The following ANAPC10 variants were observed in gnomAD, a reference collection of about 807,000 sequenced individuals.
The protein encoded by ANAPC10 is anaphase promoting complex subunit 10.
A neutral mutation model predicts 22.0 loss-of-function variants in ANAPC10; 12 were observed. The ratio of observed to expected loss-of-function variants is 0.55; its 90% CI spans 0.35 to 0.88. ANAPC10 has a LOEUF of 0.88. Among genes scored for constraint, ANAPC10 ranks in the 40% least tolerant of loss-of-function variants. The probability of loss-of-function intolerance (pLI) is 0.01; values close to 1 mark genes in which losing one functional copy is unlikely to be tolerated. For missense variants in ANAPC10, 188 were observed against 220.9 expected (o/e 0.85, Z 0.94); for synonymous variants, 65 against 69.5 (o/e 0.94, Z 0.32).
intron 4 of ANAPC10, among the ~76,000 whole-genome samples, chr4:145,029,802 A>C (rs950658563): frequency 3.3e-5 from 5 of 152,076 alleles, no homozygotes; most frequent in African/African-American, 1.2e-4. Context: ...GTCACTTTAG[A>C]CCTACTCATC....
chr4:145,027,256 A>C (rs1414267900), intron 4 of ANAPC10, among the ~76,000 whole-genome samples: 1 of 151,386 alleles, frequency 6.6e-6, no homozygotes, highest in Non-Finnish European at 1.5e-5. Context: ...TGCCCGCCTC[A>C]GCCTCTTAGA....
In ANAPC10 at chr4:145,057,933, T is replaced by G. The variant is rs34291290; in HGVS notation, c.327+6639A>C. On this transcript the variant is annotated intron_variant, in intron 4 of 4. Transcript: ENST00000507656. Reference sequence around the variant, plus strand: ...GGAACCCAACTGCCATAGCCTTAATTAAATCCTCGTAATTTTTACCTGGCT... The same window carrying G: ...GGAACCCAACTGCCATAGCCTTAATGAAATCCTCGTAATTTTTACCTGGCT... Among the ~76,000 whole-genome samples, 668 of 152,242 alleles carry G rather than the reference T, an allele frequency of 4.4e-3. 3 individuals are homozygous for G. The highest frequency in any genetic ancestry group is 0.015 in the African/African-American group (614 of 41,550).
At chr4:144,998,292 C>A (rs1198442724) in intron 4 of ANAPC10, among the ~76,000 whole-genome samples, 1 of 152,214 alleles carries the variant, frequency 6.6e-6, no homozygotes, top group Non-Finnish European at 1.5e-5. Flanking sequence ...TTATCAGCAC[C>A]ACATTGCACT....
At chr4:145,047,818 C>A (rs1331059007) in intron 4 of ANAPC10, among the ~76,000 whole-genome samples, 3 of 152,038 alleles carry the variant, frequency 2.0e-5, no homozygotes, top group Non-Finnish European at 4.4e-5. Flanking sequence ...TCAACTTTTA[C>A]CCTTTTATTA....
chr4:145,026,073 A>G (rs553599403), intron 4 of ANAPC10, among the ~76,000 whole-genome samples: 1 of 152,270 alleles, frequency 6.6e-6, no homozygotes, highest in South Asian at 2.1e-4. Flanking sequence ...CCTCTTGCTC[A>G]GCTACGAGAA....
intron 4 of ANAPC10, among the ~76,000 whole-genome samples, chr4:145,023,281 T>C (rs1736218382): frequency 6.6e-6 from 1 of 151,810 alleles, no homozygotes; most frequent in Admixed American, 6.6e-5. Context: ...TATCCTAGAG[T>C]CAGAATAACC....
chr4:145,030,240 C>G (rs1737355251), intron 4 of ANAPC10, among the ~76,000 whole-genome samples: 1 of 152,160 alleles, frequency 6.6e-6, no homozygotes, highest in African/African-American at 2.4e-5. Flanking sequence ...ATTATAAAAA[C>G]AGAGAATCAC....
intron 4 of ANAPC10, among the ~76,000 whole-genome samples, chr4:145,022,895 T>TA (rs1306444539): frequency 6.6e-6 from 1 of 152,062 alleles, no homozygotes; most frequent in Non-Finnish European, 1.5e-5. Context: ...TTATTATACT[T>TA]AAAGTTTTAG....
intron 4 of ANAPC10, among the ~76,000 whole-genome samples, chr4:145,057,395 G>A (rs1175454069): frequency 6.6e-6 from 1 of 152,094 alleles, no homozygotes; most frequent in Non-Finnish European, 1.5e-5. Flanking sequence ...GACTTCATAT[G>A]AGAATATGAC....
intron 4 of ANAPC10, among the ~76,000 whole-genome samples, chr4:145,053,199 A>G (rs1435978359): frequency 6.6e-6 from 1 of 152,234 alleles, no homozygotes; most frequent in African/African-American, 2.4e-5. Context: ...TTTCATTATC[A>G]AAAATAAGTA....
intron 4 of ANAPC10, among the ~76,000 whole-genome samples, chr4:145,003,411 G>C (rs976399953): frequency 6.6e-6 from 1 of 152,084 alleles, no homozygotes; most frequent in African/African-American, 2.4e-5. Flanking sequence ...GGAATTTGTG[G>C]GTGAAATGGT....
chr4:145,076,347 C>A, intron 3 of ANAPC10, among the ~76,000 whole-genome samples: 1 of 152,214 alleles, frequency 6.6e-6, no homozygotes, highest in East Asian at 1.9e-4. Flanking sequence ...CCTTGGTACC[C>A]TGAAATCATC....
intron 4 of ANAPC10, among the ~76,000 whole-genome samples, chr4:145,042,740 A>G (rs1303528644): frequency 6.6e-6 from 1 of 152,080 alleles, no homozygotes; most frequent in Non-Finnish European, 1.5e-5. Flanking sequence ...GTAAAAAAAA[A>G]ATGATGTGTG....
At chr4:145,002,194 C>A (rs972722148) in intron 4 of ANAPC10, among the ~76,000 whole-genome samples, 1 of 152,066 alleles carries the variant, frequency 6.6e-6, no homozygotes, top group Non-Finnish European at 1.5e-5. Context: ...TAGAAAGAAA[C>A]TGAACAAGTT....
chr4:145,010,185 G>A (rs1216042920), intron 4 of ANAPC10, among the ~76,000 whole-genome samples: 4 of 152,154 alleles, frequency 2.6e-5, no homozygotes, highest in Non-Finnish European at 5.9e-5. Flanking sequence ...AGGTGCTGGA[G>A]GGGATGTGGA....
chr4:145,030,149 T>C (rs1034596591), intron 4 of ANAPC10, among the ~76,000 whole-genome samples: 5 of 152,122 alleles, frequency 3.3e-5, no homozygotes, highest in South Asian at 2.1e-4. Flanking sequence ...AGAAGTGAAA[T>C]TGATAGGAAG....
At chr4:145,032,824 T>C (rs1737828019) in intron 4 of ANAPC10, among the ~76,000 whole-genome samples, 1 of 152,190 alleles carries the variant, frequency 6.6e-6, no homozygotes, top group South Asian at 2.1e-4. Context: ...TTGGACTTCT[T>C]CCATCATGGA....
At chr4:145,057,637 T>C (rs1742250461) in intron 4 of ANAPC10, among the ~76,000 whole-genome samples, 2 of 152,158 alleles carry the variant, frequency 1.3e-5, no homozygotes, top group African/African-American at 2.4e-5. Context: ...CTACTATCCA[T>C]GGACTACCTA....
intron 3 of ANAPC10, among the ~76,000 whole-genome samples, chr4:145,072,056 A>G (rs1184068465): frequency 6.6e-6 from 1 of 152,162 alleles, no homozygotes; most frequent in African/African-American, 2.4e-5. Context: ...AGCAAACTAC[A>G]CCCAACTTGC....
Sources: gnomAD v4.1 joint callset for allele counts (sites outside exome capture counted in the v4.1 genomes callset) on GRCh38, gnomAD v4.1.1 for gene constraint, MANE v1.5 for transcripts, NCBI Gene and HGNC (gene_info 2026-07-23, HGNC 2026-07-21) for gene names.